The following BICD1 variants were observed in gnomAD, a reference collection of about 807,000 sequenced individuals.
BICD1 encodes the protein protein bicaudal D homolog 1.
A neutral mutation model predicts 92.5 loss-of-function variants in BICD1; 35 were observed. The ratio of observed to expected loss-of-function variants is 0.38; its 90% CI spans 0.29 to 0.50. The LOEUF is 0.50. Among genes scored for constraint, BICD1 ranks in the 20% least tolerant of loss-of-function variants. The probability of loss-of-function intolerance (pLI) is 0.93; values close to 1 mark genes in which losing one functional copy is unlikely to be tolerated. For synonymous variants in BICD1, 429 were observed against 465.1 expected (o/e 0.92, Z 1.00); for missense variants, 950 against 1,189.8 (o/e 0.80, Z 2.97).
At chr12:32,362,364 G>GA (rs951080436) in intron 8 of BICD1, among the ~76,000 whole-genome samples, 49 of 149,928 alleles carry the variant, frequency 3.3e-4, no homozygotes, top group African/African-American at 1.1e-3. Context: ...CTGTCTCAAA[G>GA]AAAAAAAAAG....
rs139211746 is a variant in BICD1 at position 32,301,418 on chromosome 12, G to A, written c.580-4279G>A. On this transcript the variant is annotated intron_variant, in intron 3 of 9. Transcript: ENST00000652176. Reference sequence around the variant, plus strand: ...AAGGTTGGAGAGAGTCAGTCACAGGGCAGGAGCAGTGAACTCAAATGACCA... The same window carrying A: ...AAGGTTGGAGAGAGTCAGTCACAGGACAGGAGCAGTGAACTCAAATGACCA... Among the ~76,000 whole-genome samples the A allele has an allele frequency of 2.4e-3, 368 of 152,178 alleles. 5 individuals are homozygous for A. The highest frequency in any genetic ancestry group is 8.5e-3 in the African/African-American group (352 of 41,538).
At chr12:32,322,027 T>G (rs1456051098) in intron 4 of BICD1, among the ~76,000 whole-genome samples, 1 of 152,058 alleles carries the variant, frequency 6.6e-6, no homozygotes, top group Non-Finnish European at 1.5e-5. Context: ...AATAAATAAA[T>G]AAAACAGTTT....
intron 9 of BICD1, 120 bp downstream of exon 9, chr12:32,367,865 G>A: frequency 2.2e-6 from 2 of 913,644 alleles, no homozygotes; most frequent in Non-Finnish European, 1.7e-6. Context: ...TTTATTTCAA[G>A]TGTGGGCTAC....
intron 6 of BICD1, among the ~76,000 whole-genome samples, chr12:32,335,911 G>C (rs1255095202): frequency 1.3e-5 from 2 of 152,070 alleles, no homozygotes; most frequent in Non-Finnish European, 2.9e-5. Context: ...TATCTTGTAT[G>C]ATGCAAACTT....
At chr12:32,278,956 T>C (rs1947348364) in intron 2 of BICD1, among the ~76,000 whole-genome samples, 1 of 152,368 alleles carries the variant, frequency 6.6e-6, no homozygotes, top group Non-Finnish European at 1.5e-5. Flanking sequence ...AATATCACAT[T>C]ACTAGATCTG....
chr12:32,319,385 A>G (rs1008108106), intron 4 of BICD1, among the ~76,000 whole-genome samples: 16 of 152,104 alleles, frequency 1.1e-4, no homozygotes, highest in African/African-American at 3.6e-4. Context: ...TTAGTATGGT[A>G]TATTATATTT....
Position 32,305,873 on chromosome 12 carries a change from C to A in BICD1, c.756C>A (p.Leu252=). ...AAAAGAACAACCTGCGGAAGGAGCT[C>A]TCCCAGTATATCAGCCTCAATGATA... is the stretch of plus-strand genomic sequence containing the variant. ...REQKNNLRKE[L]SQYISLNDNH... is the part of the protein sequence containing the mutation. Residue 252 remains leucine, a synonymous_variant, in exon 4 of 10, where the codon CTC becomes CTA. Coordinates refer to ENST00000652176, the MANE Select transcript of BICD1 (RefSeq NM_001714.4). The A allele has an allele frequency of 6.2e-7, 1 of 1,614,198 alleles. No individual in the cohort carries two copies. The highest frequency in any genetic ancestry group is 8.5e-7 in the Non-Finnish European group (1 of 1,180,044).
intron 1 of BICD1, among the ~76,000 whole-genome samples, chr12:32,140,958 A>T (rs1359193887): frequency 6.6e-6 from 1 of 152,218 alleles, no homozygotes; most frequent in Non-Finnish European, 1.5e-5. Flanking sequence ...CGTAGAACGT[A>T]CGTGTTTGCA....
chr12:32,230,430 A>G (rs1313615963), intron 2 of BICD1, among the ~76,000 whole-genome samples: 1 of 74,170 alleles, frequency 1.3e-5, no homozygotes, highest in South Asian at 8.4e-4. Flanking sequence ...AAATAAATAA[A>G]TAAATAAATA....
intron 2 of BICD1, among the ~76,000 whole-genome samples, chr12:32,272,725 C>A (rs570751233): frequency 3.3e-5 from 5 of 152,302 alleles, no homozygotes; most frequent in East Asian, 1.9e-4. Flanking sequence ...ACTAGTGAGA[C>A]CTGGCCTGCC....
At chr12:32,196,700 T>C (rs2121539183) in intron 1 of BICD1, among the ~76,000 whole-genome samples, 1 of 152,328 alleles carries the variant, frequency 6.6e-6, no homozygotes, top group Non-Finnish European at 1.5e-5. Context: ...GTGGATCTAA[T>C]GTTCAACATG....
At chr12:32,137,484 T>C (rs1942773434) in intron 1 of BICD1, among the ~76,000 whole-genome samples, 2 of 152,224 alleles carry the variant, frequency 1.3e-5, no homozygotes, top group South Asian at 4.1e-4. Flanking sequence ...CTCAGATATA[T>C]AACTTTTTAC....
intron 1 of BICD1, among the ~76,000 whole-genome samples, chr12:32,195,523 A>G (rs565901334): frequency 2.1e-4 from 32 of 152,324 alleles, no homozygotes; most frequent in Admixed American, 7.2e-4. Context: ...AGAATACACA[A>G]TGGGGAAAAG....
At chr12:32,307,918 AG>A (rs1948273131) in intron 4 of BICD1, among the ~76,000 whole-genome samples, 1 of 152,196 alleles carries the variant, frequency 6.6e-6, no homozygotes, top group South Asian at 2.1e-4. Flanking sequence ...TGAGATAAAA[AG>A]TTAGTGGGTT....
Position 32,190,533 on chromosome 12 carries a change from TTCA to T in BICD1, c.214-25710_214-25708del, listed in dbSNP as rs1338479139. Among the ~76,000 whole-genome samples the T allele has an allele frequency of 2.0e-5, 3 of 152,214 alleles. No individual in the cohort carries two copies. In the East Asian group the frequency reaches 5.8e-4, roughly 29 times the overall value. ...CACTATATAATAATAAAGAGGTCAG[TTCA>T]TCAAGAGGATATAACAATTATAAAT... On this transcript the variant is annotated intron_variant, in intron 1 of 9. Coordinates refer to ENST00000652176, the MANE Select transcript of BICD1 (RefSeq NM_001714.4).
At chr12:32,246,063 G>A (rs1430163236) in intron 2 of BICD1, among the ~76,000 whole-genome samples, 18 of 129,846 alleles carry the variant, frequency 1.4e-4, no homozygotes, top group African/African-American at 5.0e-4. Flanking sequence ...AAGGAAAAAG[G>A]ATGAAATCAC....
intron 4 of BICD1, among the ~76,000 whole-genome samples, chr12:32,317,284 T>C (rs1482994830): frequency 6.6e-6 from 1 of 152,252 alleles, no homozygotes; most frequent in South Asian, 2.1e-4. Flanking sequence ...ATCGTCACAC[T>C]GACTTCCACA....
chr12:32,110,757 T>A (rs1941653274), intron 1 of BICD1, among the ~76,000 whole-genome samples: 1 of 146,740 alleles, frequency 6.8e-6, no homozygotes, highest in African/African-American at 2.5e-5. Context: ...TTACACCGCA[T>A]GTTCTCACTC....
At chr12:32,192,211 C>G (rs555454289) in intron 1 of BICD1, among the ~76,000 whole-genome samples, 2 of 152,134 alleles carry the variant, frequency 1.3e-5, no homozygotes, top group Admixed American at 1.3e-4. Context: ...GTGGGCAGAT[C>G]ACAAGGTCAA....
Sources: allele counts gnomAD v4.1 joint callset (sites outside exome capture counted in the v4.1 genomes callset), GRCh38; gene constraint gnomAD v4.1.1; transcripts MANE v1.5; gene names NCBI Gene and HGNC (gene_info 2026-07-23, HGNC 2026-07-21).